OAS3: variants seen among roughly 807,000 people sequenced by gnomAD.
OAS3 encodes 2'-5'-oligoadenylate synthase 3.
A neutral mutation model predicts 113.0 loss-of-function variants in OAS3; 107 were observed. The ratio of observed to expected loss-of-function variants is 0.95; its 90% confidence interval spans 0.81 to 1.11. OAS3 has a LOEUF of 1.11. Among genes scored for constraint, OAS3 ranks in the 50% most tolerant of loss-of-function variants. The probability of loss-of-function intolerance (pLI) is 0.00; values close to 1 mark genes in which losing one functional copy is unlikely to be tolerated. For synonymous variants in OAS3, 552 were observed against 573.6 expected (o/e 0.96, Z 0.54); for missense variants, 1,258 against 1,389.1 (o/e 0.91, Z 1.50).
intron 6 of OAS3, 167 bp from the exon 7 acceptor site, chr12:112,950,526 T>G: frequency 4.1e-6 from 3 of 736,050 alleles, no homozygotes; most frequent in Non-Finnish European, 6.7e-6. Flanking sequence ...CTGTCACAAT[T>G]CTAAGAGGTC....
chr12:112,969,923 A>C, intron 15 of OAS3, 39 bp from the exon 16 acceptor site: 2 of 1,604,606 alleles, frequency 1.2e-6, no homozygotes, highest in Non-Finnish European at 1.7e-6. Context: ...TTCTGCAGAA[A>C]GAATGGGGTT....
intron 13 of OAS3, 23 bp from the exon 14 acceptor site, chr12:112,967,913 A>C (rs759737863): frequency 1.2e-6 from 2 of 1,607,492 alleles, no homozygotes; most frequent in Non-Finnish European, 1.7e-6. Flanking sequence ...ATGAACCAAC[A>C]TATCTTTCTT....
chr12:112,939,305 T>C, intron 1 of OAS3, among the ~76,000 whole-genome samples: 1 of 114,032 alleles, frequency 8.8e-6, no homozygotes, highest in Non-Finnish European at 1.7e-5. Flanking sequence ...CTGAGTCACA[T>C]CTTTTTTTTT....
rs114033220 is a variant in OAS3, at chr12:112,971,430, G to A, written c.*1457G>A. 1,415 of 152,942 alleles carry A rather than the reference G, an allele frequency of 9.3e-3. 23 individuals are homozygous for A. Among genetic ancestry groups the A allele is most frequent in the African/African-American group, 0.032 (1,336 of 41,600 alleles). The allele number at this position is 152,942 out of a possible 1,614,324, so 9.5% of individuals were successfully genotyped here. On this transcript the variant is annotated 3_prime_UTR_variant, in exon 16 of 16. Coordinates refer to ENST00000228928, the MANE Select transcript of OAS3 (RefSeq NM_006187.4). ...CTAAATTACAGCCAGACCTCTGGCT[G>A]CAGAGGAGTCTGAGACATGTATGAT...
At chr12:112,955,927 G>A (rs1178798755) in intron 7 of OAS3, among the ~76,000 whole-genome samples, 3 of 152,176 alleles carry the variant, frequency 2.0e-5, no homozygotes, top group African/African-American at 7.2e-5. Flanking sequence ...GCTCCTCTTT[G>A]TACCTCTGGT....
rs1361244580 is a variant in OAS3 at position 112,954,640 on chromosome 12, A to G, written c.1657+3665A>G. Among the ~76,000 whole-genome samples, 4 of 152,140 alleles carry G rather than the reference A, an allele frequency of 2.6e-5. No individual in the cohort carries two copies. The South Asian group carries it at 8.3e-4, about 32-fold the overall frequency. ...GGTTTGTCAAAGATCAGATGGTTGT[A>G]GACATGTGGTGTTATTTCTGAGGGC... On this transcript the variant is annotated intron_variant, in intron 7 of 15. Coordinates refer to ENST00000228928, the MANE Select transcript of OAS3 (RefSeq NM_006187.4). This position sits in a 1 kb window ranked among gnomAD's most constrained non-coding sequence, Gnocchi z 4.0.
At chr12:112,967,663 G>A in intron 13 of OAS3, 70 bp downstream of exon 13, 7 of 1,523,942 alleles carry the variant, frequency 4.6e-6, no homozygotes, top group Non-Finnish European at 6.2e-6. Flanking sequence ...TTCCTGGGAG[G>A]AAGCAGGGCC....
At chr12:112,946,336 C>G (rs930350471) in intron 3 of OAS3, among the ~76,000 whole-genome samples, 1 of 152,116 alleles carries the variant, frequency 6.6e-6, no homozygotes, top group African/African-American at 2.4e-5. Flanking sequence ...GAGGGAAGGA[C>G]AGAGTTCTGG....
Position 112,970,109 on chromosome 12 carries a change from C to T in OAS3, c.*136C>T, listed in dbSNP as rs551494853. The T allele has an allele frequency of 1.4e-5, 14 of 993,958 alleles. No individual in the cohort carries two copies. Among genetic ancestry groups the T allele is most frequent in the Non-Finnish European group, 2.0e-5 (13 of 643,810 alleles). The allele number at this position is 993,958 out of a possible 1,614,324, so 61.6% of individuals were successfully genotyped here. A position where few individuals can be genotyped will look rare whatever the true frequency, so the allele number is the denominator to read the frequency against. ...GTGAGCACATGTGTGCATGTGTGTG[C>T]ACACGTGTGCATGTGTGTGTTTTAG... is the stretch of plus-strand genomic sequence containing the variant. On this transcript the variant is annotated 3_prime_UTR_variant, in exon 16 of 16. Transcript: ENST00000228928.
chr12:112,961,046 C>T, intron 7 of OAS3, 25 bp from the exon 8 acceptor site: 1 of 1,610,122 alleles, frequency 6.2e-7, no homozygotes, highest in Non-Finnish European at 8.5e-7. Flanking sequence ...GAGTTGCACA[C>T]TCAGGGTGTT....
At chr12:112,951,376 A>C (rs918318699) in intron 7 of OAS3, among the ~76,000 whole-genome samples, 1 of 152,196 alleles carries the variant, frequency 6.6e-6, no homozygotes, top group Admixed American at 6.5e-5. Flanking sequence ...TTAGCTTAGT[A>C]ATTATCAGTT....
chr12:112,962,725 C>T lies in OAS3; in HGVS notation c.1907C>T (p.Thr636Ile), dbSNP rs369929424. 6.2e-7 allele frequency: 1 copy of T among 1,613,886 alleles called. No homozygotes were observed. The highest frequency in any genetic ancestry group is 1.3e-5 in the African/African-American group (1 of 74,916). Residue 636 changes from threonine (T) to isoleucine (I), a missense_variant, in exon 9 of 16, where the codon ACC becomes ATC. By Grantham distance (89) the Thr-to-Ile change is moderately conservative (BLOSUM62 -1). Coordinates refer to ENST00000228928, the MANE Select transcript of OAS3 (RefSeq NM_006187.4). ...CCAGCCTATGCCCTGGAGCTCCTCACCATCTTTGCCTGGGAGCAGGGCTGC... is the reference window on the plus strand; with the variant it reads ...CCAGCCTATGCCCTGGAGCTCCTCATCATCTTTGCCTGGGAGCAGGGCTGC... ...LPPAYALELL[T>I]IFAWEQGCRQ...
intron 1 of OAS3, among the ~76,000 whole-genome samples, 174 bp downstream of exon 1, chr12:112,938,881 C>T (rs1239656264): frequency 6.6e-6 from 1 of 152,176 alleles, no homozygotes; most frequent in Non-Finnish European, 1.5e-5. Context: ...ACATACGAGC[C>T]AGGTAGGTAC....
At chr12:112,957,250 C>G (rs1404451637) in intron 7 of OAS3, among the ~76,000 whole-genome samples, 1 of 152,096 alleles carries the variant, frequency 6.6e-6, no homozygotes, top group African/African-American at 2.4e-5. Flanking sequence ...TGAGCTGGGT[C>G]TCCTGAATAC....
chr12:112,953,752 T>C (rs1409028538), intron 7 of OAS3, among the ~76,000 whole-genome samples: 1 of 152,224 alleles, frequency 6.6e-6, no homozygotes, highest in East Asian at 1.9e-4. Context: ...TGATGAGCAT[T>C]TTTTCATGTG....
chr12:112,947,282 C>A (rs1345016408), intron 4 of OAS3, among the ~76,000 whole-genome samples: 1 of 152,200 alleles, frequency 6.6e-6, no homozygotes, highest in Non-Finnish European at 1.5e-5. Context: ...GAAACCACCA[C>A]CCAGATCATG....
chr12:112,940,388 A>G (rs983278633), intron 1 of OAS3, among the ~76,000 whole-genome samples: 11 of 152,200 alleles, frequency 7.2e-5, no homozygotes, highest in African/African-American at 2.4e-4. Context: ...TGTGTAACTC[A>G]TTTCACCATC....
intron 7 of OAS3, among the ~76,000 whole-genome samples, chr12:112,952,137 C>T (rs1565977689): frequency 6.6e-6 from 1 of 152,152 alleles, no homozygotes; most frequent in Non-Finnish European, 1.5e-5. Context: ...ATCTCCTGCT[C>T]TGAATGGATA....
At position 112,950,884 on chromosome 12, in the gene OAS3, G is replaced by A; in HGVS notation, c.1566G>A (p.Gln522=). Residue 522 remains glutamine (Q), a synonymous_variant, in exon 7 of 16, where the codon CAG becomes CAA. Coordinates refer to ENST00000228928, the MANE Select transcript of OAS3 (RefSeq NM_006187.4). ...GCCTGAGCCTTCAGTTTCCTGAGCAGAATGTGCCTGAGGCTCTGCAGTTCC... is the reference window on the plus strand; with the variant it reads ...GCCTGAGCCTTCAGTTTCCTGAGCAAAATGTGCCTGAGGCTCTGCAGTTCC... The part of the protein sequence containing the change: ...VPSLSLQFPE[Q]NVPEALQFQL... The A allele has an allele frequency of 6.2e-7, 1 of 1,614,028 alleles. No individual in the cohort carries two copies. The highest frequency in any genetic ancestry group is 8.5e-7 in the Non-Finnish European group (1 of 1,179,892).
Sources: allele counts gnomAD v4.1 joint callset (sites outside exome capture counted in the v4.1 genomes callset), GRCh38; gene constraint gnomAD v4.1.1; non-coding constraint Gnocchi (gnomAD v3.1); transcripts MANE v1.5; gene names NCBI Gene and HGNC (gene_info 2026-07-23, HGNC 2026-07-21).